SETX: variants seen among roughly 807,000 people sequenced by gnomAD.
The protein encoded by SETX is helicase senataxin.
In SETX, 90 loss-of-function variants were observed where a neutral mutation model predicts 227.2. That is an observed-to-expected ratio of 0.40 (90% CI 0.33 to 0.47). SETX has a LOEUF of 0.47. Ranked by LOEUF, SETX falls within the 20% of genes least tolerant of loss-of-function variation. The pLI is 0.91. For synonymous variants in SETX, 1,210 were observed against 1,113.2 expected (o/e 1.09, Z -1.73); for missense variants, 3,052 against 3,181.5 (o/e 0.96, Z 0.98).
chr9:132,296,937 TTCCAGG>T lies in SETX; in HGVS notation c.5893_5898del (p.Pro1965_Gly1966del). On this transcript the variant is annotated inframe_deletion, in exon 14 of 26. Transcript: ENST00000224140. ...CCAACAATAGTTTTTGATTTTCCTG[TTCCAGG>T]TGGTCCATGAATCAAGCAGATTTTG... is the stretch of plus-strand genomic sequence containing the variant. 1 of 1,614,190 alleles carries T rather than the reference TTCCAGG, an allele frequency of 6.2e-7. No individual in the cohort carries two copies. The highest frequency in any genetic ancestry group is 8.5e-7 in the Non-Finnish European group (1 of 1,180,022).
intron 15 of SETX, among the ~76,000 whole-genome samples, chr9:132,294,774 C>T (rs1473315375): frequency 6.6e-6 from 1 of 152,152 alleles, no homozygotes; most frequent in Non-Finnish European, 1.5e-5. Context: ...CAGGTGCACT[C>T]GAGAATGGAG....
intron 10 of SETX, among the ~76,000 whole-genome samples, chr9:132,325,214 GCC>G (rs1846644407): frequency 6.6e-6 from 1 of 152,062 alleles, no homozygotes; most frequent in African/African-American, 2.4e-5. Flanking sequence ...AAATTAGCCG[GCC>G]GTGGTGGCGA....
intron 10 of SETX, among the ~76,000 whole-genome samples, chr9:132,324,523 C>T (rs1846581724): frequency 6.6e-6 from 1 of 152,220 alleles, no homozygotes; most frequent in Non-Finnish European, 1.5e-5. Flanking sequence ...ATACTTCCCA[C>T]AGTTAACTCC....
chr9:132,308,186 T>A (rs925378910), intron 11 of SETX, among the ~76,000 whole-genome samples: 5 of 152,136 alleles, frequency 3.3e-5, no homozygotes, highest in Non-Finnish European at 7.4e-5. Flanking sequence ...GCTGTGATTA[T>A]CAGAAAAAGA....
At chr9:132,334,559 G>A in intron 7 of SETX, 49 bp downstream of exon 7, 1 of 1,601,844 alleles carries the variant, frequency 6.2e-7, no homozygotes, top group Non-Finnish European at 8.6e-7. Flanking sequence ...TTTTTAAAGT[G>A]CATCATCATC....
Position 132,272,105 on chromosome 9 carries a change from C to T in SETX, c.7101-297G>A, listed in dbSNP as rs556210542. 7.0e-4 allele frequency among the ~76,000 whole-genome samples: 107 copies of T among 152,178 alleles called. 1 individual carries two copies. The highest frequency in any genetic ancestry group is 2.7e-3 in the South Asian group (13 of 4,824). On this transcript the variant is annotated intron_variant, in intron 23 of 25. Coordinates refer to ENST00000224140, the MANE Select transcript of SETX (RefSeq NM_015046.7). ...CACTGTGGTCTCCATCTCCTGACCT[C>T]ATGATCCGCCCGCCTCGGCCTCCCA...
chr9:132,306,074 T>C (rs1845319624), intron 11 of SETX, among the ~76,000 whole-genome samples: 1 of 152,164 alleles, frequency 6.6e-6, no homozygotes, highest in South Asian at 2.1e-4. Context: ...GGATTCTTCA[T>C]CTCCTTACTC....
In SETX at chr9:132,286,027, G is replaced by A. The variant is rs533376407; in HGVS notation, c.6396+396C>T. 5.0e-3 allele frequency among the ~76,000 whole-genome samples: 713 copies of A among 141,844 alleles called. 4 individuals are homozygous for A. Among genetic ancestry groups the A allele is most frequent in the African/African-American group, 0.018 (682 of 38,048 alleles). The allele number at this position is 141,844 out of a possible 152,430, so 93.1% of individuals were successfully genotyped here. A position where few individuals can be genotyped will look rare whatever the true frequency, so the allele number is the denominator to read the frequency against. On this transcript the variant is annotated intron_variant, in intron 18 of 25. Coordinates refer to ENST00000224140, the MANE Select transcript of SETX (RefSeq NM_015046.7). Reference sequence around the variant, plus strand: ...GTGAAACCCCGTCTCTACTAACAATGCAAAAATTAGCTGGGCGTGGTGGCA... The same window carrying A: ...GTGAAACCCCGTCTCTACTAACAATACAAAAATTAGCTGGGCGTGGTGGCA...
At chr9:132,268,391 C>T (rs1842745555) in intron 25 of SETX, among the ~76,000 whole-genome samples, 2 of 152,212 alleles carry the variant, frequency 1.3e-5, no homozygotes, top group African/African-American at 4.8e-5. Context: ...GTCTCAGCTA[C>T]TCAGGAGGCT....
intron 18 of SETX, among the ~76,000 whole-genome samples, chr9:132,284,689 C>A (rs537991848): frequency 6.6e-6 from 1 of 152,284 alleles, no homozygotes; most frequent in Admixed American, 6.5e-5. Context: ...TATGCTCTAA[C>A]CCAAGAATTG....
At chr9:132,341,209 C>T (rs1847936991) in intron 5 of SETX, among the ~76,000 whole-genome samples, 1 of 152,040 alleles carries the variant, frequency 6.6e-6, no homozygotes. Flanking sequence ...CAGAGCAAGA[C>T]TCTGTCTCAA....
In SETX at chr9:132,333,414, T is replaced by TAC. The variant is rs1313743731; in HGVS notation, c.838+1193_838+1194insGT. 1.2e-4 allele frequency among the ~76,000 whole-genome samples: 12 copies of TAC among 103,374 alleles called. 1 individual carries two copies. In the East Asian group the frequency reaches 1.5e-3, roughly 13 times the overall value. 67.8% of individuals were successfully genotyped at this position (103,374 alleles called of 152,430 possible). ...AAAAAAAAAGAAAAAAAAAAATATA[T>TAC]ATACACACACACACACACACACACA... On this transcript the variant is annotated intron_variant, in intron 7 of 25. Coordinates refer to ENST00000224140, the MANE Select transcript of SETX (RefSeq NM_015046.7).
chr9:132,349,164 T>C, intron 3 of SETX, 88 bp downstream of exon 3: 1 of 1,298,094 alleles, frequency 7.7e-7, no homozygotes, highest in Middle Eastern at 2.5e-4. Flanking sequence ...CGTATCATCA[T>C]TTCTCTGAAT....
Position 132,311,869 on chromosome 9 carries a change from CA to C in SETX, c.5275-14del, listed in dbSNP as rs761232500. 11 of 1,584,408 alleles carry C rather than the reference CA, an allele frequency of 6.9e-6. No individual in the cohort carries two copies. Among genetic ancestry groups the C allele is most frequent in the Non-Finnish European group, 9.5e-6 (11 of 1,154,238 alleles). On this transcript the variant is annotated splice_polypyrimidine_tract_variant and intron_variant, in intron 10 of 25. Transcript: ENST00000224140. ...ATTCTTGTGCCACCTATACAAAGCA[CA>C]AAAGCAAATTAAGAAAGCAACATTC...
At chr9:132,270,221 T>C (rs948915814) in intron 24 of SETX, among the ~76,000 whole-genome samples, 2 of 150,702 alleles carry the variant, frequency 1.3e-5, no homozygotes, top group African/African-American at 4.9e-5. Context: ...ACAGGTGGAC[T>C]CTACAATGAC....
chr9:132,307,665 G>A (rs1289758576), intron 11 of SETX, among the ~76,000 whole-genome samples: 1 of 151,334 alleles, frequency 6.6e-6, no homozygotes, highest in African/African-American at 2.4e-5. Flanking sequence ...GTCACCACTG[G>A]CACTTACTAG....
Position 132,300,793 on chromosome 9 carries a change from T to G in SETX, c.5385A>C (p.Glu1795Asp), listed in dbSNP as rs1448520093. ...AAAGCTGTTTAGCCAGTTCACATTC[T>G]TCCAGATAAACTATGAAACAAGAAG... ...IKYWEFAVYL[E>D]ECELAKQLYP... Residue 1795 changes from glutamate to aspartate, a missense_variant, in exon 12 of 26, where the codon GAA becomes GAC. Transcript: ENST00000224140. 1 of 1,612,930 alleles carries G rather than the reference T, an allele frequency of 6.2e-7. No individual in the cohort carries two copies. The highest frequency in any genetic ancestry group is 8.5e-7 in the Non-Finnish European group (1 of 1,179,714).
rs1418023482 is a variant in SETX at position 132,281,509 on chromosome 9, T to C, written c.6612A>G (p.Leu2204=). The C allele has an allele frequency of 2.5e-6, 4 of 1,614,014 alleles. No individual in the cohort carries two copies. Among genetic ancestry groups the C allele is most frequent in the Non-Finnish European group, 3.4e-6 (4 of 1,179,930 alleles). ...GAGGGAGCTGCTTAGGATCTCCTAC[T>C]AGGATGAGCTTATTGCAGCGATGGA... is the stretch of plus-strand genomic sequence containing the variant. The part of the protein sequence containing the change: ...PLIHRCNKLI[L]VGDPKQLPPT... Residue 2204 remains leucine (L), a synonymous_variant, in exon 20 of 26, where the codon CTA becomes CTG. Transcript: ENST00000224140.
At chr9:132,343,295 G>A (rs533531869) in intron 4 of SETX, among the ~76,000 whole-genome samples, 138 of 152,156 alleles carry the variant, frequency 9.1e-4, no homozygotes, top group South Asian at 1.7e-3. Context: ...CTCCAGCCTA[G>A]GCAACAAGAG....
Sources: allele counts gnomAD v4.1 joint callset (sites outside exome capture counted in the v4.1 genomes callset), GRCh38; gene constraint gnomAD v4.1.1; transcripts MANE v1.5; gene names NCBI Gene and HGNC (gene_info 2026-07-23, HGNC 2026-07-21).